Variants in ADK observed in about 807,000 individuals in gnomAD.
ADK encodes the protein adenosine kinase.
Under a neutral mutation model 44.7 loss-of-function variants are expected in ADK, and 24 were observed. The observed-to-expected ratio is 0.54, with a 90% CI of 0.39 to 0.76. The LOEUF (loss-of-function observed/expected upper bound fraction) is 0.76, where lower values mean the gene tolerates loss of function less well. ADK is among the 30% of genes least tolerant of loss of function. ADK has a pLI of 0.00. For synonymous variants in ADK, 128 were observed against 142.6 expected, an observed-to-expected ratio of 0.90 and a Z score of 0.73; for missense variants, 321 against 425.1, an observed-to-expected ratio of 0.76 and a Z score of 2.15.
chr10:74,609,584 C>T (rs1263220233), intron 9 of ADK, among the ~76,000 whole-genome samples: 3 of 152,076 alleles, frequency 2.0e-5, no homozygotes, highest in Non-Finnish European at 4.4e-5. Context: ...TCTAATCAGT[C>T]CCAATGAGAT....
At position 74,349,498 on chromosome 10, in the gene ADK, T is replaced by C. The variant is rs1228906681; in HGVS notation, c.273+34753T>C. 2.0e-5 allele frequency among the ~76,000 whole-genome samples: 3 copies of C among 152,214 alleles called. No homozygotes were observed. In the East Asian group the frequency reaches 5.8e-4, roughly 29 times the overall value. On this transcript the variant is annotated intron_variant, in intron 4 of 10. Coordinates refer to ENST00000539909, the MANE Select transcript of ADK (RefSeq NM_006721.4). ...AAGACCAATGACACTATGAAGAAAC[T>C]GCTTCAATTAGTGTGTAAAATAACC...
chr10:74,683,114 G>T (rs1185078101), intron 10 of ADK, among the ~76,000 whole-genome samples: 1 of 152,196 alleles, frequency 6.6e-6, no homozygotes, highest in Non-Finnish European at 1.5e-5. Context: ...GCACTTTTCA[G>T]CAGGGGGAAA....
At chr10:74,502,552 A>T (rs1847919160) in intron 6 of ADK, among the ~76,000 whole-genome samples, 1 of 152,094 alleles carries the variant, frequency 6.6e-6, no homozygotes, top group South Asian at 2.1e-4. Flanking sequence ...TTTCAAAATA[A>T]TTTTTGCATA....
chr10:74,644,695 A>G (rs1853996221), intron 9 of ADK, among the ~76,000 whole-genome samples: 1 of 151,984 alleles, frequency 6.6e-6, no homozygotes, highest in Non-Finnish European at 1.5e-5. Context: ...ACACCCAGCT[A>G]ATTTTTTAAT....
intron 6 of ADK, among the ~76,000 whole-genome samples, chr10:74,427,298 AC>A (rs1308529220): frequency 6.6e-6 from 1 of 152,100 alleles, no homozygotes; most frequent in East Asian, 1.9e-4. Flanking sequence ...TCCTGGGTTC[AC>A]GCCATTCTCC....
intron 3 of ADK, among the ~76,000 whole-genome samples, chr10:74,304,196 A>G (rs1321084182): frequency 6.6e-6 from 1 of 151,812 alleles, no homozygotes; most frequent in Non-Finnish European, 1.5e-5. Flanking sequence ...TCTTACAAGT[A>G]TTGGGAAGTT....
intron 1 of ADK, among the ~76,000 whole-genome samples, chr10:74,173,247 C>T (rs1308283949): frequency 7.3e-5 from 11 of 150,762 alleles, no homozygotes; most frequent in South Asian, 4.2e-4. Flanking sequence ...CCCGCCACCA[C>T]GCCCGGCTAA....
In ADK at chr10:74,151,252, G is replaced by C. The variant is rs370539601; in HGVS notation, c.-27G>C. 1.2e-5 allele frequency: 18 copies of C among 1,549,636 alleles called. No homozygotes were observed. The highest frequency in any genetic ancestry group is 1.6e-5 in the Non-Finnish European group (18 of 1,146,848). Reference sequence around the variant, plus strand: ...GAGTGGATGGCAGAGGTGGGCTGTAGAGCCAAAGTGGGGTGGGAGCGCGAA... The same window carrying C: ...GAGTGGATGGCAGAGGTGGGCTGTACAGCCAAAGTGGGGTGGGAGCGCGAA... On this transcript the variant is annotated 5_prime_UTR_variant, in exon 1 of 11. Transcript: ENST00000539909.
chr10:74,661,332 T>C, intron 9 of ADK: 1 of 948,308 alleles, frequency 1.1e-6, no homozygotes, highest in Non-Finnish European at 1.3e-6. Context: ...TGGGATCATA[T>C]TTTACTACTT....
At chr10:74,303,588 GTTTTTTTTTTTTTT>G (rs1185036462) in intron 3 of ADK, among the ~76,000 whole-genome samples, 4 of 68,578 alleles carry the variant, frequency 5.8e-5, no homozygotes, top group African/African-American at 7.9e-5. Context: ...TTTTAATGTT[GTTTTTTTTTTTTTT>G]TTTTTTTTTT....
chr10:74,646,877 G>C (rs1036892481), intron 9 of ADK, among the ~76,000 whole-genome samples: 1 of 152,152 alleles, frequency 6.6e-6, no homozygotes, highest in African/African-American at 2.4e-5. Context: ...GAGCTGGCTA[G>C]TCTGAAAAGT....
chr10:74,679,025 C>A (rs1855504643), intron 10 of ADK, among the ~76,000 whole-genome samples: 1 of 152,212 alleles, frequency 6.6e-6, no homozygotes, highest in Non-Finnish European at 1.5e-5. Flanking sequence ...GACAGCTGGG[C>A]CTGTGCTTAC....
intron 10 of ADK, among the ~76,000 whole-genome samples, chr10:74,687,454 C>T (rs1855833123): frequency 6.6e-6 from 1 of 152,188 alleles, no homozygotes; most frequent in African/African-American, 2.4e-5. Context: ...TGCCCTTGAA[C>T]GAGATGCCTA....
intron 4 of ADK, among the ~76,000 whole-genome samples, chr10:74,367,338 T>C (rs1406010459): frequency 6.6e-6 from 1 of 152,252 alleles, no homozygotes; most frequent in East Asian, 1.9e-4. Context: ...TTTAAAACTA[T>C]GTTTCATGGA....
At chr10:74,253,933 A>AT (rs1845736736) in intron 3 of ADK, among the ~76,000 whole-genome samples, 1 of 151,700 alleles carries the variant, frequency 6.6e-6, no homozygotes, top group Non-Finnish European at 1.5e-5. Flanking sequence ...TGCCTAACAA[A>AT]TTTTTGTATT....
intron 3 of ADK, among the ~76,000 whole-genome samples, chr10:74,242,199 T>G (rs1845235947): frequency 6.6e-6 from 1 of 152,214 alleles, no homozygotes; most frequent in African/African-American, 2.4e-5. Flanking sequence ...GTTTTTTAAA[T>G]ATAAAAGTTG....
chr10:74,229,493 G>T (rs571578736), intron 3 of ADK, among the ~76,000 whole-genome samples: 1 of 151,212 alleles, frequency 6.6e-6, no homozygotes, highest in Non-Finnish European at 1.5e-5. Context: ...CGCCTCCTGG[G>T]TTCACGCCAT....
chr10:74,415,023 T>C (rs775278009), intron 6 of ADK, among the ~76,000 whole-genome samples: 10 of 152,304 alleles, frequency 6.6e-5, no homozygotes, highest in Middle Eastern at 3.4e-3. Context: ...CTAAGAAGAA[T>C]TGGGATAGTA....
chr10:74,302,360 A>C (rs895670634), intron 3 of ADK, among the ~76,000 whole-genome samples: 2 of 151,038 alleles, frequency 1.3e-5, no homozygotes, highest in African/African-American at 4.9e-5. Flanking sequence ...GAGCTCAGGC[A>C]ATCAGCCCAC....
Sources: allele counts gnomAD v4.1 joint callset (sites outside exome capture counted in the v4.1 genomes callset), GRCh38; gene constraint gnomAD v4.1.1; transcripts MANE v1.5; gene names NCBI Gene and HGNC (gene_info 2026-07-23, HGNC 2026-07-21).